The following C10orf90 variants were observed in gnomAD, a reference collection of about 807,000 sequenced individuals.
C10orf90 encodes the protein chromosome 10 open reading frame 90.
In C10orf90, 56 loss-of-function variants were observed where a neutral mutation model predicts 62.5. The ratio of observed to expected loss-of-function variants is 0.90; its 90% CI spans 0.72 to 1.12. The LOEUF is 1.12. Among genes scored for constraint, C10orf90 ranks in the 50% most tolerant of loss-of-function variants. The probability of loss-of-function intolerance (pLI) is 0.00; values close to 1 mark genes in which losing one functional copy is unlikely to be tolerated. For missense variants in C10orf90, 970 were observed against 880.4 expected, an observed-to-expected ratio of 1.10 and a Z score of -1.29; for synonymous variants, 386 against 340.4, an observed-to-expected ratio of 1.13 and a Z score of -1.47.
At chr10:126,605,310 C>T (rs193194664) in intron 2 of C10orf90, among the ~76,000 whole-genome samples, 60 of 152,302 alleles carry the variant, frequency 3.9e-4, no homozygotes, top group Middle Eastern at 3.4e-3. Context: ...TCTCCTCTCC[C>T]GACCCCAATG....
chr10:126,464,743 G>C lies in C10orf90; in HGVS notation c.1778C>G (p.Ser593Cys). ...CTGAACACCATTGTCTTCCTGCAGA[G>C]ATGCACATACATCTTGTAAGGGGCA... ...FLCPLQDVCA[S>C]LQEDNGVQIE... The change falls in exon 5 of 10, where the codon TCT becomes TGT. Residue 593 changes from serine (S) to cysteine (C), a missense_variant. By Grantham distance (112) the Ser-to-Cys change is moderately radical (BLOSUM62 -1). Coordinates refer to ENST00000488181, the MANE Select transcript of C10orf90 (RefSeq NM_001350921.2). 6.2e-7 allele frequency: 1 copy of C among 1,614,084 alleles called. No homozygotes were observed. The highest frequency in any genetic ancestry group is 8.5e-7 in the Non-Finnish European group (1 of 1,179,992).
rs139114651 is a variant in C10orf90, at chr10:126,629,182, G to A, written c.313+17383C>T. On this transcript the variant is annotated intron_variant, in intron 2 of 9. Transcript: ENST00000488181. ...ACGAACGATGAAGGCTGATTTCAAC[G>A]GCATTCATTTACCATCACTGACCTC... Among the ~76,000 whole-genome samples the A allele has an allele frequency of 1.9e-4, 29 of 152,252 alleles. No homozygotes were observed. In the East Asian group the frequency reaches 1.9e-3, roughly 10 times the overall value.
intron 2 of C10orf90, among the ~76,000 whole-genome samples, chr10:126,619,609 C>T (rs530884142): frequency 6.6e-6 from 1 of 152,088 alleles, no homozygotes; most frequent in Non-Finnish European, 1.5e-5. Context: ...GTGTTTGGCA[C>T]TTTTAAAAAC....
intron 2 of C10orf90, among the ~76,000 whole-genome samples, chr10:126,607,272 A>G (rs1206560862): frequency 1.3e-5 from 2 of 152,232 alleles, no homozygotes; most frequent in Non-Finnish European, 2.9e-5. Context: ...AATACCCTGC[A>G]TAACAAAATG....
At chr10:126,476,282 A>G (rs1860861540) in intron 4 of C10orf90, among the ~76,000 whole-genome samples, 1 of 152,146 alleles carries the variant, frequency 6.6e-6, no homozygotes, top group African/African-American at 2.4e-5. Context: ...TGCAAACCTC[A>G]ATCACATCAA....
At chr10:126,458,257 C>T (rs2134098189) in intron 7 of C10orf90, among the ~76,000 whole-genome samples, 1 of 152,198 alleles carries the variant, frequency 6.6e-6, no homozygotes, top group East Asian at 1.9e-4. Flanking sequence ...CATGATTTCA[C>T]CTCCTAGGGG....
chr10:126,487,622 T>G (rs1861509168), intron 4 of C10orf90, among the ~76,000 whole-genome samples: 1 of 152,146 alleles, frequency 6.6e-6, no homozygotes, highest in African/African-American at 2.4e-5. Flanking sequence ...TTTTAGGATT[T>G]CCACTTTCTC....
intron 2 of C10orf90, among the ~76,000 whole-genome samples, chr10:126,635,900 G>T (rs1239078315): frequency 5.9e-5 from 1 of 16,988 alleles, no homozygotes; most frequent in East Asian, 2.1e-3. Flanking sequence ...AATGGTCAAG[G>T]TAGTTTGAGA....
chr10:126,599,410 C>T (rs1168266705), intron 2 of C10orf90, among the ~76,000 whole-genome samples: 5 of 151,504 alleles, frequency 3.3e-5, no homozygotes, highest in African/African-American at 1.2e-4. Context: ...CCGTGTTAGC[C>T]AGGATGGTCT....
At chr10:126,621,633 T>C (rs1386954312) in intron 2 of C10orf90, among the ~76,000 whole-genome samples, 1 of 152,234 alleles carries the variant, frequency 6.6e-6, no homozygotes, top group Non-Finnish European at 1.5e-5. Flanking sequence ...AATGATGACA[T>C]ATGGTATATT....
chr10:126,577,375 G>T (rs1844648630), intron 2 of C10orf90, among the ~76,000 whole-genome samples: 1 of 151,560 alleles, frequency 6.6e-6, no homozygotes, highest in African/African-American at 2.4e-5. Context: ...AAATTTAATT[G>T]TATTTCTATT....
intron 2 of C10orf90, among the ~76,000 whole-genome samples, chr10:126,603,214 C>T (rs1283750301): frequency 6.6e-6 from 1 of 152,138 alleles, no homozygotes; most frequent in Non-Finnish European, 1.5e-5. Flanking sequence ...TTAATTGACT[C>T]ACAACCCCTT....
chr10:126,515,234 T>C (rs1863371747), intron 2 of C10orf90, among the ~76,000 whole-genome samples: 1 of 152,194 alleles, frequency 6.6e-6, no homozygotes, highest in Non-Finnish European at 1.5e-5. Context: ...GTATAATTGT[T>C]TGTTTAAATA....
chr10:126,550,734 T>C (rs1864612971), intron 2 of C10orf90, among the ~76,000 whole-genome samples: 1 of 152,176 alleles, frequency 6.6e-6, no homozygotes, highest in Non-Finnish European at 1.5e-5. Context: ...GGTCTTGAAC[T>C]CCTGACCCCG....
chr10:126,444,306 T>C (rs1858596207), intron 7 of C10orf90, among the ~76,000 whole-genome samples: 1 of 152,032 alleles, frequency 6.6e-6, no homozygotes, highest in Admixed American at 6.6e-5. Context: ...CTGAAATTGA[T>C]AAAAGAATTC....
At chr10:126,649,276 G>T (rs2133856006) in intron 1 of C10orf90, among the ~76,000 whole-genome samples, 1 of 152,234 alleles carries the variant, frequency 6.6e-6, no homozygotes, top group East Asian at 1.9e-4. Flanking sequence ...ATCCTGCAAA[G>T]ACTTGGCGTG....
Position 126,532,640 on chromosome 10 carries a change from A to T in C10orf90, c.314-18701T>A, listed in dbSNP as rs191530830. On this transcript the variant is annotated intron_variant, in intron 2 of 9. Transcript: ENST00000488181. ...ATCACGAGGTCAGGAAATCGAGACCATCCTGGCTAACACGGTGAAACCCCG... is the reference window on the plus strand; with the variant it reads ...ATCACGAGGTCAGGAAATCGAGACCTTCCTGGCTAACACGGTGAAACCCCG... Among the ~76,000 whole-genome samples, 501 of 151,504 alleles carry T rather than the reference A, an allele frequency of 3.3e-3. 3 individuals are homozygous for T. Among genetic ancestry groups the T allele is most frequent in the Non-Finnish European group, 5.2e-3 (352 of 67,898 alleles).
At chr10:126,525,253 G>A (rs1863901757) in intron 2 of C10orf90, among the ~76,000 whole-genome samples, 1 of 152,202 alleles carries the variant, frequency 6.6e-6, no homozygotes, top group Admixed American at 6.5e-5. Flanking sequence ...AGGATCTGGA[G>A]GCGCATTCGG....
intron 2 of C10orf90, among the ~76,000 whole-genome samples, chr10:126,565,361 ATAT>A (rs1385612422): frequency 3.9e-5 from 3 of 76,998 alleles, no homozygotes; most frequent in African/African-American, 1.6e-4. Flanking sequence ...TATATAATAT[ATAT>A]TATTTTATAT....
Sources: gnomAD v4.1 joint callset for allele counts (sites outside exome capture counted in the v4.1 genomes callset) on GRCh38, gnomAD v4.1.1 for gene constraint, MANE v1.5 for transcripts, NCBI Gene and HGNC (gene_info 2026-07-23, HGNC 2026-07-21) for gene names.